CEP57L1: variants seen among roughly 807,000 people sequenced by gnomAD.
CEP57L1 encodes centrosomal protein 57 like 1.
In CEP57L1, 37 loss-of-function variants were observed where a neutral mutation model predicts 61.0. The observed-to-expected ratio is 0.61, with a 90% CI of 0.47 to 0.80. The LOEUF is 0.80. Ranked by LOEUF, CEP57L1 falls within the 30% of genes least tolerant of loss-of-function variation. The pLI is 0.00. For synonymous variants in CEP57L1, 137 were observed against 162.3 expected (o/e 0.84, Z 1.19); for missense variants, 422 against 524.7 (o/e 0.80, Z 1.91).
chr6:109,140,147 C>T (rs1232708927), intron 1 of CEP57L1, among the ~76,000 whole-genome samples: 1 of 152,100 alleles, frequency 6.6e-6, no homozygotes, highest in Non-Finnish European at 1.5e-5. Context: ...GGCTGGAGTG[C>T]AGTGACTTGA....
At chr6:109,157,043 G>A (rs1334180282) in intron 7 of CEP57L1, 1 of 151,988 alleles carries the variant, frequency 6.6e-6, no homozygotes, top group Admixed American at 6.6e-5. Flanking sequence ...ATGGGTTAAT[G>A]GAACTTTTTT....
At position 109,137,080 on chromosome 6, in the gene CEP57L1, T is replaced by C. The variant is rs919191544; in HGVS notation, c.-3-8139T>C. ...AAACTTGTATCTTTAAACATTGTAATACCTTTCATTATTTTCATAAGTTGT... is the reference window on the plus strand; with the variant it reads ...AAACTTGTATCTTTAAACATTGTAACACCTTTCATTATTTTCATAAGTTGT... On this transcript the variant is annotated intron_variant, in intron 1 of 10. Coordinates refer to ENST00000517392, the MANE Select transcript of CEP57L1 (RefSeq NM_001271852.3). Among the ~76,000 whole-genome samples the C allele has an allele frequency of 5.9e-5, 9 of 152,162 alleles. No homozygotes were observed. In the East Asian group the frequency reaches 7.7e-4, roughly 13 times the overall value.
chr6:109,110,393 A>G (rs1439752754), intron 1 of CEP57L1, among the ~76,000 whole-genome samples: 2 of 151,774 alleles, frequency 1.3e-5, no homozygotes, highest in South Asian at 2.1e-4. Context: ...TGGTTGTTTG[A>G]TTTTTTCTTG....
At chr6:109,156,447 G>A (rs1014155185) in intron 7 of CEP57L1, 1 of 152,112 alleles carries the variant, frequency 6.6e-6, no homozygotes, top group African/African-American at 2.4e-5. Context: ...CCAAAAGTAA[G>A]GATTGGAGAG....
At chr6:109,161,533 A>T (rs1178176893) in intron 10 of CEP57L1, among the ~76,000 whole-genome samples, 1 of 152,180 alleles carries the variant, frequency 6.6e-6, no homozygotes, top group African/African-American at 2.4e-5. Flanking sequence ...GTAATAGAAG[A>T]TGCAGAATAT....
chr6:109,158,566 G>A (rs1222790417), intron 7 of CEP57L1: 1 of 451,404 alleles, frequency 2.2e-6, no homozygotes, highest in Non-Finnish European at 4.4e-6. Flanking sequence ...TTGTGTACAG[G>A]TTTTTATGTG....
rs1183150006 is a variant in CEP57L1 at position 109,163,630 on chromosome 6, C to G, written c.*660C>G. The G allele has an allele frequency of 6.6e-6, 1 of 152,022 alleles. No homozygotes were observed. The highest frequency in any genetic ancestry group is 6.6e-5 in the Admixed American group (1 of 15,262). The allele number at this position is 152,022 out of a possible 1,614,324, so 9.4% of individuals were successfully genotyped here. A position where few individuals can be genotyped will look rare whatever the true frequency, so the allele number is the denominator to read the frequency against. On this transcript the variant is annotated 3_prime_UTR_variant, in exon 11 of 11. Transcript: ENST00000517392. ...TTAAAAAATCAATGATCAATTTTAT[C>G]TTACTACTTTATAACTTTTGCTGAC...
At chr6:109,141,427 T>C (rs1432437018) in intron 1 of CEP57L1, among the ~76,000 whole-genome samples, 2 of 150,440 alleles carry the variant, frequency 1.3e-5, no homozygotes, top group African/African-American at 4.9e-5. Context: ...GTTGGCCAGG[T>C]TGGTCTCGAA....
In CEP57L1 at chr6:109,163,139, C is replaced by T. The variant is rs1460667853; in HGVS notation, c.*169C>T. The T allele has an allele frequency of 1.9e-6, 1 of 526,860 alleles. No individual in the cohort carries two copies. Among genetic ancestry groups the T allele is most frequent in the Non-Finnish European group, 3.3e-6 (1 of 298,766 alleles). 32.6% of individuals were successfully genotyped at this position (526,860 alleles called of 1,614,324 possible). On this transcript the variant is annotated 3_prime_UTR_variant, in exon 11 of 11. Transcript: ENST00000517392. ...TAATGCCTAATGACCTGGTGGGTTC[C>T]AAATAATAAATTAATTGCTTTTTTA...
chr6:109,156,745 A>G (rs1193574374), intron 7 of CEP57L1: 1 of 152,152 alleles, frequency 6.6e-6, no homozygotes, highest in Non-Finnish European at 1.5e-5. Context: ...AGAGAACAGT[A>G]AACTTAACTT....
At chr6:109,150,095 A>T (rs565095883) in intron 3 of CEP57L1, 23 bp from the exon 4 acceptor site, 1 of 1,470,124 alleles carries the variant, frequency 6.8e-7, no homozygotes, top group Non-Finnish European at 9.4e-7. Flanking sequence ...TCTTTTCCTA[A>T]TTGAATACCC....
Position 109,124,075 on chromosome 6 carries a change from C to CAA in CEP57L1, c.-3-21133_-3-21132dup, listed in dbSNP as rs536788352. Among the ~76,000 whole-genome samples, 34 of 135,324 alleles carry CAA rather than the reference C, an allele frequency of 2.5e-4. 1 individual carries two copies. The highest frequency in any genetic ancestry group is 8.8e-4 in the African/African-American group (33 of 37,300). The allele number at this position is 135,324 out of a possible 152,430, so 88.8% of individuals were successfully genotyped here. ...CAGGCGACAGAGTGAGACTCTGTCT[C>CAA]AAAAAAAAAAAAGAACCACTTCTAT... is the stretch of plus-strand genomic sequence containing the variant. On this transcript the variant is annotated intron_variant, in intron 1 of 10. Coordinates refer to ENST00000517392, the MANE Select transcript of CEP57L1 (RefSeq NM_001271852.3).
Position 109,164,400 on chromosome 6 carries a change from A to T in CEP57L1, c.*1430A>T, listed in dbSNP as rs1190133086. On this transcript the variant is annotated 3_prime_UTR_variant, in exon 11 of 11. Transcript: ENST00000517392. ...TGAAGATGGGCACATTGATGCTTGA[A>T]ATTGTCCTTGAAAGTAGTTAATGGC... Among the ~76,000 whole-genome samples, 1 of 152,130 alleles carries T rather than the reference A, an allele frequency of 6.6e-6. No individual in the cohort carries two copies. The highest frequency in any genetic ancestry group is 1.5e-5 in the Non-Finnish European group (1 of 68,024).
chr6:109,128,665 T>C (rs1197354739), intron 1 of CEP57L1, among the ~76,000 whole-genome samples: 2 of 152,264 alleles, frequency 1.3e-5, no homozygotes, highest in Non-Finnish European at 2.9e-5. Flanking sequence ...CTTTGTGGCA[T>C]GGCCCTTATG....
intron 4 of CEP57L1, among the ~76,000 whole-genome samples, 198 bp from the exon 5 acceptor site, chr6:109,153,635 T>C (rs976406961): frequency 2.6e-5 from 4 of 152,158 alleles, no homozygotes; most frequent in Non-Finnish European, 4.4e-5. Flanking sequence ...GACTTTAAGG[T>C]TGAAAAAAAT....
intron 1 of CEP57L1, among the ~76,000 whole-genome samples, chr6:109,112,666 C>T (rs1771802043): frequency 6.6e-6 from 1 of 152,176 alleles, no homozygotes; most frequent in African/African-American, 2.4e-5. Flanking sequence ...ACATTTCCCC[C>T]TACACATTCC....
rs1276442093 is a variant in CEP57L1 at position 109,171,100 on chromosome 6, A to G, written c.*8130A>G. Among the ~76,000 whole-genome samples the G allele has an allele frequency of 6.6e-6, 1 of 152,064 alleles. No individual in the cohort carries two copies. Among genetic ancestry groups the G allele is most frequent in the African/African-American group, 2.4e-5 (1 of 41,372 alleles). Reference sequence around the variant, plus strand: ...GGACACTTAAGCCAAAATTTCAAACAGGTTCTTTTTTCTTTGTTCTTTTAC... The same window carrying G: ...GGACACTTAAGCCAAAATTTCAAACGGGTTCTTTTTTCTTTGTTCTTTTAC... On this transcript the variant is annotated 3_prime_UTR_variant, in exon 11 of 11. Coordinates refer to ENST00000517392, the MANE Select transcript of CEP57L1 (RefSeq NM_001271852.3).
At chr6:109,095,239 G>A (rs1260506349), upstream of CEP57L1, 24 of 985,424 alleles carry the variant, frequency 2.4e-5, no homozygotes, top group African/African-American at 3.3e-4. Context: ...TCCTGGAGAA[G>A]GGGAAGGAAA....
At chr6:109,099,052 GGA>G (rs1782055782) in intron 1 of CEP57L1, among the ~76,000 whole-genome samples, 1 of 152,172 alleles carries the variant, frequency 6.6e-6, no homozygotes, top group South Asian at 2.1e-4. Context: ...TTTGTGAATG[GGA>G]GAGAGAGGAA....
Sources: allele counts gnomAD v4.1 joint callset (sites outside exome capture counted in the v4.1 genomes callset), GRCh38; gene constraint gnomAD v4.1.1; transcripts MANE v1.5; gene names NCBI Gene and HGNC (gene_info 2026-07-23, HGNC 2026-07-21).